The following FHIT variants were observed in gnomAD, a reference collection of about 807,000 sequenced individuals.
The protein encoded by FHIT is bis(5'-adenosyl)-triphosphatase.
In FHIT, 19 loss-of-function variants were observed where a neutral mutation model predicts 17.9. That is an observed-to-expected ratio of 1.06 (90% CI 0.74 to 1.56). The LOEUF (loss-of-function observed/expected upper bound fraction) is 1.56, where lower values mean the gene tolerates loss of function less well. Ranked by LOEUF, FHIT falls within the 40% of genes most tolerant of loss-of-function variation. The probability of loss-of-function intolerance (pLI) is 0.00; values close to 1 mark genes in which losing one functional copy is unlikely to be tolerated. For missense variants in FHIT, 248 were observed against 189.2 expected (o/e 1.31, Z -1.82); for synonymous variants, 81 against 69.7 (o/e 1.16, Z -0.81).
intron 2 of FHIT, among the ~76,000 whole-genome samples, chr3:61,083,740 T>C (rs771897745): frequency 8.5e-5 from 13 of 152,264 alleles, no homozygotes; most frequent in Non-Finnish European, 1.0e-4. Flanking sequence ...AATGGAATTA[T>C]ATGATATGTG....
chr3:60,039,664 A>G (rs1237267030), intron 5 of FHIT, among the ~76,000 whole-genome samples: 1 of 152,246 alleles, frequency 6.6e-6, no homozygotes, highest in Non-Finnish European at 1.5e-5. Context: ...ATGTAATAAC[A>G]GCAAAAGCAA....
At chr3:60,124,009 T>TAGAGAGAGAGAGAGAGAG (rs1168094593) in intron 5 of FHIT, among the ~76,000 whole-genome samples, 4 of 12,158 alleles carry the variant, frequency 3.3e-4, no homozygotes, top group African/African-American at 6.3e-4. Context: ...TATATATATA[T>TAGAGAGAGAGAGAGAGAG]AGAGAGAGAG....
At chr3:60,123,528 T>C (rs559362137) in intron 5 of FHIT, among the ~76,000 whole-genome samples, 3 of 152,304 alleles carry the variant, frequency 2.0e-5, no homozygotes, top group South Asian at 4.1e-4. Context: ...AAATGTGTTA[T>C]ATACTCTGAT....
chr3:59,908,415 A>T (rs1361712981), intron 8 of FHIT, among the ~76,000 whole-genome samples: 1 of 152,234 alleles, frequency 6.6e-6, no homozygotes, highest in Non-Finnish European at 1.5e-5. Flanking sequence ...GGCAAAGGCC[A>T]AAGAGTAAGT....
chr3:60,104,526 A>G (rs1403649368), intron 5 of FHIT, among the ~76,000 whole-genome samples: 1 of 151,946 alleles, frequency 6.6e-6, no homozygotes, highest in Non-Finnish European at 1.5e-5. Context: ...TAGAATAGAA[A>G]GAGAAAGAGG....
chr3:60,333,887 T>C (rs979425991), intron 5 of FHIT, among the ~76,000 whole-genome samples: 2 of 152,204 alleles, frequency 1.3e-5, no homozygotes, highest in Non-Finnish European at 2.9e-5. Flanking sequence ...CCCATCATGA[T>C]TGCCTAACAG....
intron 4 of FHIT, among the ~76,000 whole-genome samples, chr3:60,659,340 G>C (rs1388152035): frequency 6.6e-6 from 1 of 151,908 alleles, no homozygotes; most frequent in African/African-American, 2.4e-5. Context: ...GGAAGCTTTT[G>C]GCCATTATGT....
chr3:59,895,374 A>G (rs6794056), intron 8 of FHIT, among the ~76,000 whole-genome samples: 7,506 of 152,318 alleles, frequency 0.049, 364 homozygotes, highest in African/African-American at 0.13. Flanking sequence ...TGAATGCACT[A>G]TAATAGCAGA....
At chr3:59,919,836 G>A (rs945599891) in intron 8 of FHIT, among the ~76,000 whole-genome samples, 11 of 152,244 alleles carry the variant, frequency 7.2e-5, no homozygotes, top group East Asian at 3.9e-4. Context: ...TCACTCCATC[G>A]CTTCTGATTA....
At chr3:60,818,638 G>A (rs1054031610) in intron 4 of FHIT, among the ~76,000 whole-genome samples, 2 of 151,956 alleles carry the variant, frequency 1.3e-5, no homozygotes, top group African/African-American at 4.8e-5. Context: ...TTCATCTCTG[G>A]TAACTCTTTT....
chr3:60,538,541 T>C (rs746635023), intron 4 of FHIT, among the ~76,000 whole-genome samples: 88 of 152,084 alleles, frequency 5.8e-4, no homozygotes, highest in Non-Finnish European at 7.1e-4. Context: ...CTTCAAACTA[T>C]ACTACAAGGC....
intron 4 of FHIT, among the ~76,000 whole-genome samples, chr3:60,626,399 TATAC>T (rs1384880547): frequency 3.5e-4 from 53 of 152,200 alleles, no homozygotes; most frequent in Non-Finnish European, 7.4e-5. Context: ...TTATTTCAAA[TATAC>T]ATAAATTCAG....
chr3:59,939,316 A>C (rs1026841157), intron 7 of FHIT, among the ~76,000 whole-genome samples: 1 of 152,148 alleles, frequency 6.6e-6, no homozygotes, highest in African/African-American at 2.4e-5. Flanking sequence ...GGCCATTAAC[A>C]GAAGACACAC....
At chr3:60,902,536 G>A (rs576163888) in intron 3 of FHIT, among the ~76,000 whole-genome samples, 1 of 152,304 alleles carries the variant, frequency 6.6e-6, no homozygotes, top group South Asian at 2.1e-4. Context: ...TGATAATATG[G>A]ATGGTTTAGA....
chr3:60,078,441 A>C (rs13069706), intron 5 of FHIT, among the ~76,000 whole-genome samples: 57,371 of 151,964 alleles, frequency 0.38, 12,253 homozygotes, highest in Middle Eastern at 0.58. Flanking sequence ...AAACATTCTG[A>C]AAAGCAATAG....
At chr3:60,500,032 G>A (rs537366021) in intron 5 of FHIT, among the ~76,000 whole-genome samples, 1 of 152,160 alleles carries the variant, frequency 6.6e-6, no homozygotes, top group East Asian at 1.9e-4. Flanking sequence ...TATACCTGGG[G>A]TCTGGCACAT....
chr3:60,185,375 A>G (rs1262022774), intron 5 of FHIT, among the ~76,000 whole-genome samples: 2 of 152,202 alleles, frequency 1.3e-5, no homozygotes, highest in African/African-American at 2.4e-5. Flanking sequence ...TGCATCATGC[A>G]GTAGATAGCC....
At chr3:61,082,497 A>G (rs1161320277) in intron 2 of FHIT, among the ~76,000 whole-genome samples, 3 of 152,198 alleles carry the variant, frequency 2.0e-5, no homozygotes, top group Non-Finnish European at 2.9e-5. Flanking sequence ...ATTCAGATTG[A>G]GTTCCATTTG....
At chr3:61,149,342 T>C (rs1328716165) in intron 2 of FHIT, among the ~76,000 whole-genome samples, 1 of 152,066 alleles carries the variant, frequency 6.6e-6, no homozygotes, top group Non-Finnish European at 1.5e-5. Context: ...ATAAATAATT[T>C]ATTATCCAAA....
Sources: allele counts gnomAD v4.1 joint callset (sites outside exome capture counted in the v4.1 genomes callset), GRCh38; gene constraint gnomAD v4.1.1; transcripts MANE v1.5; gene names NCBI Gene and HGNC (gene_info 2026-07-23, HGNC 2026-07-21).